The following APOBEC1 variants were observed in gnomAD, a reference collection of about 807,000 sequenced individuals.
APOBEC1 encodes the protein apolipoprotein B mRNA editing enzyme catalytic subunit 1.
Under a neutral mutation model 26.3 loss-of-function variants are expected in APOBEC1, and 22 were observed. That is an observed-to-expected ratio of 0.84 (90% CI 0.60 to 1.19). The LOEUF is 1.19. APOBEC1 is among the 50% of genes most tolerant of loss of function. The pLI, the probability that APOBEC1 is intolerant of heterozygous loss-of-function variation, is 0.00. For synonymous variants in APOBEC1, 77 were observed against 95.3 expected (o/e 0.81, Z 1.12); for missense variants, 253 against 289.0 (o/e 0.88, Z 0.90).
At chr12:7,666,799 G>C (rs1863898716), upstream of APOBEC1, among the ~76,000 whole-genome samples, 2 of 152,020 alleles carry the variant, frequency 1.3e-5, no homozygotes, top group Admixed American at 6.6e-5. Context: ...GGAGCTATTA[G>C]ATACAAAATG....
intron 3 of APOBEC1, 66 bp from the exon 4 acceptor site, chr12:7,651,207 A>G: frequency 1.8e-6 from 2 of 1,136,466 alleles, no homozygotes; most frequent in South Asian, 1.3e-5. Flanking sequence ...AAGATCCCCA[A>G]CCTAGCTTCC....
At chr12:7,661,335 C>T (rs1429238670) in intron 1 of APOBEC1, among the ~76,000 whole-genome samples, 1 of 151,462 alleles carries the variant, frequency 6.6e-6, no homozygotes, top group Non-Finnish European at 1.5e-5. Flanking sequence ...GTAGCAGAGT[C>T]AATACAAGCC....
rs111744018 is a variant in APOBEC1 at position 7,660,410 on chromosome 12, A to AAGAACGAAAGAAAGAAAGAAAG, written c.16+5446_16+5447insCTTTCTTTCTTTCTTTCGTTCT. On this transcript the variant is annotated intron_variant, in intron 1 of 4. Transcript: ENST00000229304. ...AAAGAAAGAAAGAAAGAAAGAAAGA[A>AAGAACGAAAGAAAGAAAGAAAG]AGAGAGGGTATTTGGGCCAGGGACA... Among the ~76,000 whole-genome samples, 48 of 84,276 alleles carry AAGAACGAAAGAAAGAAAGAAAG rather than the reference A, an allele frequency of 5.7e-4. 1 individual carries two copies. The highest frequency in any genetic ancestry group is 5.4e-3 in the Middle Eastern group (1 of 184). 55.3% of individuals were successfully genotyped at this position (84,276 alleles called of 152,430 possible).
At position 7,652,679 on chromosome 12, in the gene APOBEC1, T is replaced by A. The variant is rs771713981; in HGVS notation, c.201A>T (p.Ile67=). 1.2e-6 allele frequency: 2 copies of A among 1,614,114 alleles called. No homozygotes were observed. The highest frequency in any genetic ancestry group is 1.7e-5 in the Admixed American group (1 of 60,010). The change falls in exon 3 of 5, where the codon ATA becomes ATT. Residue 67 remains isoleucine, a synonymous_variant. Transcript: ENST00000229304. ...AATCTCTTTCTGACGTAAATTTTTTTATAAAATTAACTTCCACGTGATTGG... is the reference window on the plus strand; with the variant it reads ...AATCTCTTTCTGACGTAAATTTTTTAATAAAATTAACTTCCACGTGATTGG... The part of the protein sequence containing the change: ...NTTNHVEVNF[I]KKFTSERDFH...
At chr12:7,670,283 C>A (rs148795108), upstream of APOBEC1, among the ~76,000 whole-genome samples, 351 of 139,970 alleles carry the variant, frequency 2.5e-3, 57 homozygotes, top group African/African-American at 8.0e-3. Context: ...CCACACCTGG[C>A]CTTGTCCATT....
At chr12:7,650,387 C>T (rs905574806) in intron 4 of APOBEC1, among the ~76,000 whole-genome samples, 8 of 152,114 alleles carry the variant, frequency 5.3e-5, no homozygotes, top group African/African-American at 1.7e-4. Context: ...AGCCGCTACA[C>T]CCCAGCCTAG....
At chr12:7,669,041 C>A (rs556249480), upstream of APOBEC1, among the ~76,000 whole-genome samples, 3 of 151,632 alleles carry the variant, frequency 2.0e-5, no homozygotes, top group Non-Finnish European at 4.4e-5. Flanking sequence ...CAGCACCCCC[C>A]AATTCTGTGT....
intron 1 of APOBEC1, among the ~76,000 whole-genome samples, chr12:7,659,686 C>T (rs1395611289): frequency 1.3e-5 from 2 of 152,106 alleles, no homozygotes; most frequent in Non-Finnish European, 2.9e-5. Flanking sequence ...AATGCAACTA[C>T]TGGCCAGGCA....
intron 2 of APOBEC1, 36 bp from the exon 3 acceptor site, chr12:7,652,871 C>T (rs2080127): frequency 0.85 from 1,253,417 of 1,483,036 alleles, 537,695 homozygotes; most frequent in Middle Eastern, 0.9. Context: ...TGTCATGCCA[C>T]ATTTAGAGAG....
chr12:7,663,201 T>G (rs928814446), intron 1 of APOBEC1, among the ~76,000 whole-genome samples: 2 of 152,186 alleles, frequency 1.3e-5, no homozygotes, highest in African/African-American at 4.8e-5. Context: ...AAACAGAGCA[T>G]GCTTTACCCT....
intron 4 of APOBEC1, among the ~76,000 whole-genome samples, chr12:7,650,412 C>T (rs1407427036): frequency 6.6e-6 from 1 of 151,954 alleles, no homozygotes; most frequent in African/African-American, 2.4e-5. Context: ...CACAGCGAGA[C>T]CCTGTGGCTT....
chr12:7,652,111 C>T (rs61936985), intron 3 of APOBEC1, among the ~76,000 whole-genome samples: 1 of 152,102 alleles, frequency 6.6e-6, no homozygotes, highest in Admixed American at 6.5e-5. Flanking sequence ...CGTGAGCCAC[C>T]GCACCTGGCC....
chr12:7,666,246 A>G (rs754464171), upstream of APOBEC1, among the ~76,000 whole-genome samples: 92 of 151,114 alleles, frequency 6.1e-4, no homozygotes, highest in Non-Finnish European at 1.2e-3. Context: ...GTTTTGTTTT[A>G]TTTATTTATT....
intron 2 of APOBEC1, among the ~76,000 whole-genome samples, chr12:7,653,692 CAATGGACTCT>C (rs1863677989): frequency 6.6e-6 from 1 of 152,066 alleles, no homozygotes; most frequent in South Asian, 2.1e-4. Context: ...TTCTATTCCT[CAATGGACTCT>C]AACCAGATTT....
intron 1 of APOBEC1, among the ~76,000 whole-genome samples, chr12:7,657,964 A>G (rs763482648): frequency 3.3e-4 from 51 of 152,356 alleles, no homozygotes; most frequent in Admixed American, 2.9e-3. Context: ...ATTGAAGTCT[A>G]TGACAAAAAT....
chr12:7,668,094 C>A (rs1156912578), upstream of APOBEC1, among the ~76,000 whole-genome samples: 1 of 151,950 alleles, frequency 6.6e-6, no homozygotes, highest in Non-Finnish European at 1.5e-5. Context: ...ATCACAGGGT[C>A]CTTATAAGAG....
At chr12:7,655,348 T>C (rs1176098629) in intron 1 of APOBEC1, among the ~76,000 whole-genome samples, 1 of 146,976 alleles carries the variant, frequency 6.8e-6, no homozygotes, top group Non-Finnish European at 1.5e-5. Flanking sequence ...GCATCTCTAC[T>C]AAAAATACAA....
upstream of APOBEC1, among the ~76,000 whole-genome samples, chr12:7,666,542 G>A (rs960370973): frequency 2.6e-5 from 4 of 151,980 alleles, no homozygotes; most frequent in East Asian, 1.9e-4. Flanking sequence ...TGATCCACCC[G>A]CCTCGTCCTC....
intron 1 of APOBEC1, among the ~76,000 whole-genome samples, chr12:7,659,131 C>T (rs1365881961): frequency 1.3e-5 from 2 of 148,540 alleles, no homozygotes; most frequent in Admixed American, 1.3e-4. Flanking sequence ...CCTGTCTCTA[C>T]TAAAAATACA....
Sources: gnomAD v4.1 joint callset for allele counts (sites outside exome capture counted in the v4.1 genomes callset) on GRCh38, gnomAD v4.1.1 for gene constraint, MANE v1.5 for transcripts, NCBI Gene and HGNC (gene_info 2026-07-23, HGNC 2026-07-21) for gene names.